SMIM19: variants seen among roughly 807,000 people sequenced by gnomAD.
SMIM19 encodes small integral membrane protein 19.
Under a neutral mutation model 13.2 loss-of-function variants are expected in SMIM19, and 6 were observed. The observed-to-expected ratio is 0.45, with a 90% confidence interval of 0.25 to 0.90. The LOEUF is 0.90. SMIM19 is among the 40% of genes least tolerant of loss of function. The pLI is 0.19. For synonymous variants in SMIM19, 46 were observed against 43.1 expected, an observed-to-expected ratio of 1.07 and a Z score of -0.27; for missense variants, 138 against 131.0, an observed-to-expected ratio of 1.05 and a Z score of -0.26.
chr8:42,549,378 C>G (rs573661734), intron 3 of SMIM19, among the ~76,000 whole-genome samples: 1 of 151,674 alleles, frequency 6.6e-6, no homozygotes, highest in African/African-American at 2.4e-5. Flanking sequence ...CACCACTGGA[C>G]TGTAGCCTGG....
rs1375003496 is a variant in SMIM19, at chr8:42,549,009, G to A, written c.259+229G>A. On this transcript the variant is annotated intron_variant, in intron 3 of 3. Transcript: ENST00000417410. Reference sequence around the variant, plus strand: ...AAGACATATAACTTAATTCAACATAGCAGCATTATTCACAATAGCCAAAAG... The same window carrying A: ...AAGACATATAACTTAATTCAACATAACAGCATTATTCACAATAGCCAAAAG... Among the ~76,000 whole-genome samples, 3 of 152,130 alleles carry A rather than the reference G, an allele frequency of 2.0e-5. No homozygotes were observed. In the East Asian group the frequency reaches 5.8e-4, roughly 29 times the overall value.
Position 42,542,331 on chromosome 8 carries a change from T to C in SMIM19, c.-47T>C. On this transcript the variant is annotated 5_prime_UTR_variant, in exon 1 of 4. Coordinates refer to ENST00000417410, the MANE Select transcript of SMIM19 (RefSeq NM_001135674.2). ...GTGACTCTGTGGACTGCCCAGCACC[T>C]GTGAATTGCTTTCCTGGATGTTGGG... is the stretch of plus-strand genomic sequence containing the variant. 1.9e-6 allele frequency: 1 copy of C among 531,314 alleles called. No homozygotes were observed. Among genetic ancestry groups the C allele is most frequent in the Non-Finnish European group, 2.4e-6 (1 of 415,194 alleles). 32.9% of individuals were successfully genotyped at this position (531,314 alleles called of 1,614,324 possible).
rs1232858855 is a variant in SMIM19 at position 42,546,569 on chromosome 8, AT to A, written c.98del (p.Ile33ThrfsTer19). ...NEATNVYLIV[I>X]LVSFGLFMYA... ...AGCCACCAATGTTTACTTGATAGTT[AT>A]CCTTGTTAGCTTCGGTCTCTTCATG... On this transcript the variant is annotated frameshift_variant, in exon 2 of 4. Coordinates refer to ENST00000417410, the MANE Select transcript of SMIM19 (RefSeq NM_001135674.2). LOFTEE classifies it high-confidence loss of function. 3 of 1,614,090 alleles carry A rather than the reference AT, an allele frequency of 1.9e-6. No individual in the cohort carries two copies. The highest frequency in any genetic ancestry group is 2.5e-6 in the Non-Finnish European group (3 of 1,180,048).
At chr8:42,546,402 A>T in intron 1 of SMIM19, 67 bp from the exon 2 acceptor site, 1 of 1,500,846 alleles carries the variant, frequency 6.7e-7, no homozygotes, top group Non-Finnish European at 8.9e-7. Flanking sequence ...TATGTTTGCC[A>T]ACCCTTCTCC....
chr8:42,543,649 C>T (rs912779561), intron 1 of SMIM19, among the ~76,000 whole-genome samples: 15 of 152,160 alleles, frequency 9.9e-5, no homozygotes, highest in African/African-American at 3.4e-4. Flanking sequence ...TACTGAGTGG[C>T]ACATGAACAG....
chr8:42,543,068 T>C (rs1358196770), intron 1 of SMIM19, among the ~76,000 whole-genome samples: 1 of 152,136 alleles, frequency 6.6e-6, no homozygotes, highest in Non-Finnish European at 1.5e-5. Flanking sequence ...CAAGTTTATA[T>C]ACTCTTGTTT....
At chr8:42,551,920 G>A (rs572224429) in intron 3 of SMIM19, among the ~76,000 whole-genome samples, 1 of 152,184 alleles carries the variant, frequency 6.6e-6, no homozygotes, top group Admixed American at 6.5e-5. Flanking sequence ...CTCCAACTTG[G>A]GTGACAGAGT....
chr8:42,552,491 A>T (rs1813705240), intron 3 of SMIM19, 53 bp from the exon 4 acceptor site: 3 of 1,541,620 alleles, frequency 1.9e-6, no homozygotes, highest in Non-Finnish European at 1.8e-6. Context: ...GTTAAGTAGT[A>T]ATCATTTTGC....
chr8:42,546,683 G>T, intron 2 of SMIM19, 77 bp downstream of exon 2: 1 of 1,531,866 alleles, frequency 6.5e-7, no homozygotes, highest in African/African-American at 1.4e-5. Flanking sequence ...TGAAATGAAT[G>T]CATAAAAGTA....
chr8:42,553,913 T>G lies in SMIM19; in HGVS notation c.*1305T>G, dbSNP rs1473854234. ...AGGAGAATTGCTCGAATCTGAGAGG[T>G]GGAGGTTGCAATGAGCCAAGATCAC... On this transcript the variant is annotated 3_prime_UTR_variant, in exon 4 of 4. Coordinates refer to ENST00000417410, the MANE Select transcript of SMIM19 (RefSeq NM_001135674.2). 6.7e-6 allele frequency: 1 copy of G among 150,134 alleles called. No individual in the cohort carries two copies. Among genetic ancestry groups the G allele is most frequent in the Non-Finnish European group, 1.5e-5 (1 of 67,770 alleles). The allele number at this position is 150,134 out of a possible 1,614,324, so 9.3% of individuals were successfully genotyped here.
chr8:42,553,689 A>G lies in SMIM19; in HGVS notation c.*1081A>G, dbSNP rs886127799. On this transcript the variant is annotated 3_prime_UTR_variant, in exon 4 of 4. Transcript: ENST00000417410. Reference sequence around the variant, plus strand: ...TTTTGAACTAGAGCTATTTTCAATTATAAGAGTGAGCTGGCTGGGCACGGT... The same window carrying G: ...TTTTGAACTAGAGCTATTTTCAATTGTAAGAGTGAGCTGGCTGGGCACGGT... 10 of 152,262 alleles carry G rather than the reference A, an allele frequency of 6.6e-5. No individual in the cohort carries two copies. Among genetic ancestry groups the G allele is most frequent in the African/African-American group, 2.2e-4 (9 of 41,476 alleles). The allele number at this position is 152,262 out of a possible 1,614,324, so 9.4% of individuals were successfully genotyped here.
intron 2 of SMIM19, 101 bp from the exon 3 acceptor site, chr8:42,548,555 T>G: frequency 2.0e-6 from 3 of 1,469,506 alleles, no homozygotes; most frequent in Admixed American, 1.7e-5. Context: ...TCTTGTCATT[T>G]AAGTCCTTTT....
At chr8:42,550,754 G>A (rs1813648064) in intron 3 of SMIM19, among the ~76,000 whole-genome samples, 1 of 152,124 alleles carries the variant, frequency 6.6e-6, no homozygotes, top group Non-Finnish European at 1.5e-5. Flanking sequence ...CACAGATTAT[G>A]GGTTAAGATG....
chr8:42,542,562 A>G, intron 1 of SMIM19, 189 bp downstream of exon 1: 1 of 798,616 alleles, frequency 1.3e-6, no homozygotes, highest in Non-Finnish European at 1.5e-6. Flanking sequence ...TCAAGGCACG[A>G]TGACAAGCGG....
intron 3 of SMIM19, among the ~76,000 whole-genome samples, chr8:42,550,133 G>A (rs989616511): frequency 3.9e-5 from 6 of 152,034 alleles, no homozygotes; most frequent in African/African-American, 1.4e-4. Context: ...CAGGAGCTCT[G>A]TATGAAAAAT....
chr8:42,542,712 G>A (rs1191070926), intron 1 of SMIM19, among the ~76,000 whole-genome samples: 1 of 151,990 alleles, frequency 6.6e-6, no homozygotes, highest in Non-Finnish European at 1.5e-5. Flanking sequence ...TGTAATCCCA[G>A]CACTTTGGGA....
chr8:42,554,591 C>T lies in SMIM19; in HGVS notation c.*1983C>T, dbSNP rs1327526076. ...CTCTCCGTTTTTTCCTTAAAGCAAACTGATGGGAATTGCACACACCCCACT... is the reference window on the plus strand; with the variant it reads ...CTCTCCGTTTTTTCCTTAAAGCAAATTGATGGGAATTGCACACACCCCACT... On this transcript the variant is annotated 3_prime_UTR_variant, in exon 4 of 4. Coordinates refer to ENST00000417410, the MANE Select transcript of SMIM19 (RefSeq NM_001135674.2). 1 of 152,152 alleles carries T rather than the reference C, an allele frequency of 6.6e-6. No homozygotes were observed. The highest frequency in any genetic ancestry group is 6.5e-5 in the Admixed American group (1 of 15,276). 9.4% of individuals were successfully genotyped at this position (152,152 alleles called of 1,614,324 possible).
intron 3 of SMIM19, among the ~76,000 whole-genome samples, chr8:42,552,139 C>T (rs189482105): frequency 3.1e-3 from 474 of 152,036 alleles, no homozygotes; most frequent in African/African-American, 0.011. Context: ...AATTACTTAG[C>T]GGGGTACAGT....
rs1282383430 is a variant in SMIM19, at chr8:42,541,676, T to A, written c.-702T>A. On this transcript the variant is annotated 5_prime_UTR_variant, in exon 1 of 4. Transcript: ENST00000417410. ...AAAGAGCCCCGGAGCGGAGCAGCGC[T>A]GGCCGCGTGCCGCCTCCGGAGCCGG... 1 of 149,232 alleles carries A rather than the reference T, an allele frequency of 6.7e-6. No homozygotes were observed. Among genetic ancestry groups the A allele is most frequent in the Non-Finnish European group, 1.5e-5 (1 of 67,080 alleles). The allele number at this position is 149,232 out of a possible 1,614,324, so 9.2% of individuals were successfully genotyped here. A position where few individuals can be genotyped will look rare whatever the true frequency, so the allele number is the denominator to read the frequency against.
Sources: allele counts gnomAD v4.1 joint callset (sites outside exome capture counted in the v4.1 genomes callset), GRCh38; gene constraint gnomAD v4.1.1; transcripts MANE v1.5; gene names NCBI Gene and HGNC (gene_info 2026-07-23, HGNC 2026-07-21).